Variants in ZNF200 observed in about 807,000 individuals in gnomAD.
ZNF200 encodes zinc finger protein 200.
A neutral mutation model predicts 33.6 loss-of-function variants in ZNF200; 35 were observed. That is an observed-to-expected ratio of 1.04 (90% CI 0.80 to 1.38). ZNF200 has a LOEUF of 1.38. Ranked by LOEUF, ZNF200 falls within the 40% of genes most tolerant of loss-of-function variation. ZNF200 has a pLI of 0.00. For missense variants in ZNF200, 592 were observed against 470.6 expected (o/e 1.26, Z -2.39); for synonymous variants, 209 against 167.7 (o/e 1.25, Z -1.90).
Position 3,223,894 on chromosome 16 carries a change from A to G in ZNF200, c.1186T>C (p.Ter396GlnextTer20). The G allele has an allele frequency of 6.2e-7, 1 of 1,608,058 alleles. No homozygotes were observed. The highest frequency in any genetic ancestry group is 8.5e-7 in the Non-Finnish European group (1 of 1,176,830). Residue 396 changes from the stop codon to glutamine (Q), a stop_lost, in exon 5 of 5, where the codon TAA (stop) becomes CAA (glutamine). Coordinates refer to ENST00000414144, the MANE Select transcript of ZNF200 (RefSeq NM_198088.3). ...AGACCCAGAAAGGGTTCCCAGTATTACTTCTGCTTTCGGGTCTTACAGGCT... is the reference window on the plus strand; with the variant it reads ...AGACCCAGAAAGGGTTCCCAGTATTGCTTCTGCTTTCGGGTCTTACAGGCT... ...HSACKTRKQK[*>Q] is the part of the protein sequence containing the mutation.
rs774609732 is a variant in ZNF200, at chr16:3,232,400, A to G, written c.466+21T>C. The G allele has an allele frequency of 3.1e-6, 5 of 1,611,646 alleles. No homozygotes were observed. The African/African-American group carries it at 6.7e-5, about 22-fold the overall frequency. Reference sequence around the variant, plus strand: ...TTCCCAAAGCAAACAACCTGAACACACAAAGGCTGTGATTTCTTACCCAGT... The same window carrying G: ...TTCCCAAAGCAAACAACCTGAACACGCAAAGGCTGTGATTTCTTACCCAGT... On this transcript the variant is annotated intron_variant, in intron 4 of 4. Coordinates refer to ENST00000414144, the MANE Select transcript of ZNF200 (RefSeq NM_198088.3).
At chr16:3,231,233 G>A (rs954634804) in intron 4 of ZNF200, among the ~76,000 whole-genome samples, 3 of 152,120 alleles carry the variant, frequency 2.0e-5, no homozygotes, top group Non-Finnish European at 4.4e-5. Flanking sequence ...TGCCAGCTCT[G>A]CCCAAGACTC....
chr16:3,229,338 A>G (rs191239766), intron 4 of ZNF200, among the ~76,000 whole-genome samples: 2 of 152,288 alleles, frequency 1.3e-5, no homozygotes, highest in Admixed American at 1.3e-4. Flanking sequence ...AGAATAATAA[A>G]GCCTCTGATT....
rs187021559 is a variant in ZNF200, at chr16:3,224,014, G to A, written c.1066C>T (p.Gln356Ter). 1.9e-5 allele frequency: 31 copies of A among 1,614,118 alleles called. No homozygotes were observed. In the East Asian group the frequency reaches 6.5e-4, roughly 34 times the overall value. Residue 356 changes from glutamine to a stop codon, truncating the protein, a stop_gained, in exon 5 of 5, where the codon CAG becomes TAG. Transcript: ENST00000414144. LOFTEE classifies it high-confidence loss of function. ...PKNEEFVLHL[Q>*]SHEAERPYGC... The stretch of plus-strand genomic sequence containing the variant: ...TATGGTCTCTCAGCCTCATGACTCT[G>A]CAGATGAAGCACAAACTCCTCATTC...
At position 3,232,512 on chromosome 16, in the gene ZNF200, G is replaced by C; in HGVS notation, c.375C>G (p.His125Gln). Residue 125 changes from histidine (H) to glutamine (Q), a missense_variant, in exon 4 of 5, where the codon CAC (histidine) becomes CAG (glutamine). Transcript: ENST00000414144. The part of the protein sequence containing the change: ...LVVFEDLNVF[H>Q]CQEECVSLDP... ...CCAAGCTCACACATTCTTCCTGGCA[G>C]TGAAATACATTCAAATCCTCAAAGA... The C allele has an allele frequency of 6.2e-7, 1 of 1,614,046 alleles. No individual in the cohort carries two copies. The highest frequency in any genetic ancestry group is 8.5e-7 in the Non-Finnish European group (1 of 1,179,996).
Position 3,224,132 on chromosome 16 carries a change from G to GT in ZNF200, c.947dup (p.Asn316LysfsTer12), listed in dbSNP as rs1176873450. 4 of 1,614,104 alleles carry GT rather than the reference G, an allele frequency of 2.5e-6. No homozygotes were observed. The highest frequency in any genetic ancestry group is 2.2e-5 in the South Asian group (2 of 91,082). ...GACTCCGATGAGAATTCTGACGGAA[G>GT]TTTTTTCCACACTGAGAACAGGAAT... On this transcript the variant is annotated frameshift_variant, in exon 5 of 5. Coordinates refer to ENST00000414144, the MANE Select transcript of ZNF200 (RefSeq NM_198088.3). LOFTEE classifies it high-confidence loss of function.
intron 1 of ZNF200, chr16:3,234,532 AG>A: frequency 6.6e-6 from 1 of 152,506 alleles, no homozygotes; most frequent in Non-Finnish European, 1.5e-5. Flanking sequence ...AGGTTAAATC[AG>A]GCTTGGAGAA....
chr16:3,224,079 T>G lies in ZNF200; in HGVS notation c.1001A>C (p.Lys334Thr). ...SRHEGIHIRE[K>T]IFKCPECGKT... ...CCCACATTCTGGACACTTAAATATCTTCTCCCTTATATGGATTCCTTCATG... is the reference window on the plus strand; with the variant it reads ...CCCACATTCTGGACACTTAAATATCGTCTCCCTTATATGGATTCCTTCATG... The change falls in exon 5 of 5, where the codon AAG (lysine) becomes ACG (threonine). Residue 334 changes from lysine to threonine, a missense_variant. By Grantham distance (78) the Lys-to-Thr change is moderately conservative. Transcript: ENST00000414144. The G allele has an allele frequency of 6.2e-7, 1 of 1,614,192 alleles. No individual in the cohort carries two copies. The highest frequency in any genetic ancestry group is 8.5e-7 in the Non-Finnish European group (1 of 1,180,032).
rs1958363170 is a variant in ZNF200, at chr16:3,222,844, G to C, written c.*1048C>G. 2 of 152,232 alleles carry C rather than the reference G, an allele frequency of 1.3e-5. No individual in the cohort carries two copies. Among genetic ancestry groups the C allele is most frequent in the South Asian group, 4.1e-4 (2 of 4,832 alleles). 9.4% of individuals were successfully genotyped at this position (152,232 alleles called of 1,614,324 possible). ...AGACACCTGGAAACCTGTCTCTTGA[G>C]AGGCAATGTGAGCTAACCACTGGAG... On this transcript the variant is annotated 3_prime_UTR_variant, in exon 5 of 5. Coordinates refer to ENST00000414144, the MANE Select transcript of ZNF200 (RefSeq NM_198088.3).
Position 3,232,813 on chromosome 16 carries a change from A to C in ZNF200, c.339+20T>G, listed in dbSNP as rs1185090523. ...CGGAAGGTGATGGATTCAGGCAGTA[A>C]ATGGGAAAACCAAACCCACCTCAGG... is the stretch of plus-strand genomic sequence containing the variant. On this transcript the variant is annotated intron_variant, in intron 3 of 4. Coordinates refer to ENST00000414144, the MANE Select transcript of ZNF200 (RefSeq NM_198088.3). 1 of 1,611,762 alleles carries C rather than the reference A, an allele frequency of 6.2e-7. No homozygotes were observed. Among genetic ancestry groups the C allele is most frequent in the East Asian group, 2.2e-5 (1 of 44,878 alleles).
rs752762022 is a variant in ZNF200 at position 3,233,610 on chromosome 16, T to G, written c.146A>C (p.His49Pro). Residue 49 changes from histidine (H) to proline (P), a missense_variant, in exon 2 of 5, where the codon CAC (histidine) becomes CCC (proline). Transcript: ENST00000414144. ...TGGCTTGGGCAAGAAGGTGAGGAAG[T>G]GCTCCAGCACTAGCTGGTGGATGGT... Reference protein sequence around the residue: ...PKTIHQLVLEHFLTFLPKPSL... With the variant: ...PKTIHQLVLEPFLTFLPKPSL... 1 of 1,613,816 alleles carries G rather than the reference T, an allele frequency of 6.2e-7. No individual in the cohort carries two copies.
In ZNF200 at chr16:3,224,411, C is replaced by T; in HGVS notation, c.669G>A (p.Glu223=). The part of the protein sequence containing the change: ...RKMRNLLVTI[E]NDTPLEELSK... ...AGAGTTCCTCTAGAGGAGTATCATT[C>T]TCAATGGTAACTAACAGATTTCTCA... is the stretch of plus-strand genomic sequence containing the variant. The change falls in exon 5 of 5, where the codon GAG becomes GAA. Residue 223 remains glutamate (E), a synonymous_variant. Coordinates refer to ENST00000414144, the MANE Select transcript of ZNF200 (RefSeq NM_198088.3). 6.2e-7 allele frequency: 1 copy of T among 1,614,166 alleles called. No individual in the cohort carries two copies. The highest frequency in any genetic ancestry group is 1.3e-5 in the African/African-American group (1 of 75,030).
At chr16:3,224,639 C>A in intron 4 of ZNF200, 26 bp from the exon 5 acceptor site, 2 of 1,553,672 alleles carry the variant, frequency 1.3e-6, no homozygotes, top group Non-Finnish European at 8.7e-7. Flanking sequence ...AATTTAACAA[C>A]TTCTGAGAGA....
intron 4 of ZNF200, chr16:3,225,028 G>T (rs1958431642): frequency 6.1e-6 from 1 of 164,500 alleles, no homozygotes. Flanking sequence ...CCACTTGTAG[G>T]TTTTCACTAT....
rs779544740 is a variant in ZNF200 at position 3,224,303 on chromosome 16, T to C, written c.777A>G (p.Lys259=). 2 of 1,614,168 alleles carry C rather than the reference T, an allele frequency of 1.2e-6. No individual in the cohort carries two copies. The highest frequency in any genetic ancestry group is 8.5e-7 in the Non-Finnish European group (1 of 1,180,026). ...RRWYTCPLCG[K]QFNESSYLIS... ...TGAGGTAAGAACTTTCATTAAACTG[T>C]TTCCCACACAGTGGACAAGTGTACC... Residue 259 remains lysine, a synonymous_variant, in exon 5 of 5, where the codon AAA becomes AAG. Coordinates refer to ENST00000414144, the MANE Select transcript of ZNF200 (RefSeq NM_198088.3).
intron 4 of ZNF200, chr16:3,225,722 G>C (rs1281630180): frequency 2.0e-5 from 3 of 151,836 alleles, no homozygotes; most frequent in African/African-American, 7.3e-5. Flanking sequence ...AGATTATAAA[G>C]ACTGGGTAAC....
In ZNF200 at chr16:3,224,780, C is replaced by T; in HGVS notation, c.467-167G>A. Reference sequence around the variant, plus strand: ...TACTTATTGAGGGTGGGATACATAACTGATAAATCTTTCCATCTACCACAA... The same window carrying T: ...TACTTATTGAGGGTGGGATACATAATTGATAAATCTTTCCATCTACCACAA... On this transcript the variant is annotated intron_variant, in intron 4 of 4. Coordinates refer to ENST00000414144, the MANE Select transcript of ZNF200 (RefSeq NM_198088.3). The T allele has an allele frequency of 5.1e-6, 4 of 777,208 alleles. No homozygotes were observed. In the South Asian group the frequency reaches 8.2e-5, roughly 16 times the overall value. The allele number at this position is 777,208 out of a possible 1,614,324, so 48.1% of individuals were successfully genotyped here.
chr16:3,232,642 G>C (rs990614778), intron 3 of ZNF200, 95 bp from the exon 4 acceptor site: 1 of 1,545,610 alleles, frequency 6.5e-7, no homozygotes, highest in South Asian at 1.2e-5. Context: ...CAAGGGAAGG[G>C]ATAGCAAGAG....
intron 4 of ZNF200, chr16:3,226,616 A>AT (rs1436683623): frequency 6.6e-6 from 1 of 152,152 alleles, no homozygotes; most frequent in Non-Finnish European, 1.5e-5. Flanking sequence ...TTTGTCAATG[A>AT]TTTCTTGTCT....
Sources: gnomAD v4.1 joint callset for allele counts (sites outside exome capture counted in the v4.1 genomes callset) on GRCh38, gnomAD v4.1.1 for gene constraint, MANE v1.5 for transcripts, NCBI Gene and HGNC (gene_info 2026-07-23, HGNC 2026-07-21) for gene names.